PITPNA: variants seen among roughly 807,000 people sequenced by gnomAD.
PITPNA encodes the protein phosphatidylinositol transfer protein alpha isoform.
A neutral mutation model predicts 50.3 loss-of-function variants in PITPNA; 13 were observed. The ratio of observed to expected loss-of-function variants is 0.26; its 90% CI spans 0.17 to 0.41. The LOEUF (loss-of-function observed/expected upper bound fraction) is 0.41, where lower values mean the gene tolerates loss of function less well. PITPNA is among the 10% of genes least tolerant of loss of function. PITPNA has a pLI of 1.00. For missense variants in PITPNA, 207 were observed against 333.4 expected (o/e 0.62, Z 2.95); for synonymous variants, 120 against 119.6 (o/e 1.00, Z -0.02).
At chr17:1,532,796 T>C (rs2075592545) in intron 10 of PITPNA, among the ~76,000 whole-genome samples, 1 of 152,204 alleles carries the variant, frequency 6.6e-6, no homozygotes. Flanking sequence ...TCAGGGACTG[T>C]GCCCCAATGA....
Position 1,518,361 on chromosome 17 carries a change from C to T in PITPNA, c.*2200G>A, listed in dbSNP as rs1051640884. ...CATGGCACACACTCAGGTACTACCCCTGGAGCTGAACCTTTATCATAAGTC... is the reference window on the plus strand; with the variant it reads ...CATGGCACACACTCAGGTACTACCCTTGGAGCTGAACCTTTATCATAAGTC... On this transcript the variant is annotated 3_prime_UTR_variant, in exon 12 of 12. Coordinates refer to ENST00000313486, the MANE Select transcript of PITPNA (RefSeq NM_006224.4). The T allele has an allele frequency of 1.3e-5, 2 of 152,684 alleles. No homozygotes were observed. The highest frequency in any genetic ancestry group is 4.8e-5 in the African/African-American group (2 of 41,456). 9.5% of individuals were successfully genotyped at this position (152,684 alleles called of 1,614,324 possible).
At chr17:1,556,829 G>A (rs1319154278) in intron 2 of PITPNA, among the ~76,000 whole-genome samples, 1 of 152,182 alleles carries the variant, frequency 6.6e-6, no homozygotes, top group Admixed American at 6.5e-5. Context: ...CAGGCTGGGT[G>A]AAGTGGTTGA....
Position 1,519,992 on chromosome 17 carries a change from G to A in PITPNA, c.*569C>T, listed in dbSNP as rs2075499689. 1 of 152,176 alleles carries A rather than the reference G, an allele frequency of 6.6e-6. No homozygotes were observed. Among genetic ancestry groups the A allele is most frequent in the Non-Finnish European group, 1.5e-5 (1 of 68,074 alleles). The allele number at this position is 152,176 out of a possible 1,614,324, so 9.4% of individuals were successfully genotyped here. On this transcript the variant is annotated 3_prime_UTR_variant, in exon 12 of 12. Transcript: ENST00000313486. ...CTCCATAGTGCTAGAGTGCCCTAAC[G>A]ATGGGTTACTGGGAGCAGAAGTCAG...
intron 9 of PITPNA, 108 bp from the exon 10 acceptor site, chr17:1,534,329 G>T: frequency 7.3e-7 from 1 of 1,378,434 alleles, no homozygotes; most frequent in Non-Finnish European, 1.0e-6. Context: ...GGGGACGGGC[G>T]GACAGGAGGA....
rs759434662 is a variant in PITPNA at position 1,543,001 on chromosome 17, C to G, written c.297+19G>C. 5.7e-6 allele frequency: 9 copies of G among 1,576,132 alleles called. No homozygotes were observed. The highest frequency in any genetic ancestry group is 1.3e-5 in the African/African-American group (1 of 74,396). On this transcript the variant is annotated intron_variant, in intron 5 of 11. Coordinates refer to ENST00000313486, the MANE Select transcript of PITPNA (RefSeq NM_006224.4). ...TCTTATACATCATCTACAGTTCCAA[C>G]CCCCTTGACAATACTTACTGTAATA...
Position 1,553,512 on chromosome 17 carries a change from G to C in PITPNA, c.52-363C>G, listed in dbSNP as rs183404437. 6.5e-4 allele frequency among the ~76,000 whole-genome samples: 99 copies of C among 152,228 alleles called. 1 individual carries two copies. The East Asian group carries it at 0.016, about 25-fold the overall frequency. The stretch of plus-strand genomic sequence containing the variant: ...CCACCTTGGCCTGCCAAAGTGCTGA[G>C]ATTATAAGCATGAGCCACCGTTCCC... On this transcript the variant is annotated intron_variant, in intron 2 of 11. Coordinates refer to ENST00000313486, the MANE Select transcript of PITPNA (RefSeq NM_006224.4).
At position 1,562,392 on chromosome 17, in the gene PITPNA, C is replaced by CCT. The variant is rs2075773118; in HGVS notation, c.20+147_20+148dup. The CCT allele has an allele frequency of 3.7e-6, 2 of 537,784 alleles. No homozygotes were observed. The highest frequency in any genetic ancestry group is 5.6e-6 in the Non-Finnish European group (2 of 359,888). 33.3% of individuals were successfully genotyped at this position (537,784 alleles called of 1,614,324 possible). The stretch of plus-strand genomic sequence containing the variant: ...CTCACGTGCCGCCCGCCCCGGATCC[C>CCT]CTCCATCCCCGCTGGGCCCGCCTCA... On this transcript the variant is annotated intron_variant, in intron 1 of 11. Transcript: ENST00000313486. This position sits in a 1 kb window ranked among gnomAD's most constrained non-coding sequence, Gnocchi z 6.4.
At chr17:1,538,991 C>T in intron 6 of PITPNA, 39 bp from the exon 7 acceptor site, 1 of 1,418,246 alleles carries the variant, frequency 7.1e-7, no homozygotes, top group Non-Finnish European at 1.0e-6. Context: ...CAGTTTTTGT[C>T]AGTTATAAAA....
intron 10 of PITPNA, among the ~76,000 whole-genome samples, chr17:1,530,253 A>G (rs2075573329): frequency 6.6e-6 from 1 of 152,200 alleles, no homozygotes; most frequent in African/African-American, 2.4e-5. Context: ...CACTGAACAT[A>G]TAATTGGACC....
intron 7 of PITPNA, among the ~76,000 whole-genome samples, chr17:1,537,713 A>G (rs1051788837): frequency 6.6e-6 from 1 of 152,120 alleles, no homozygotes; most frequent in Non-Finnish European, 1.5e-5. Context: ...AAATCCACCA[A>G]CGTTTTGAAG....
At chr17:1,535,612 A>G in intron 7 of PITPNA, 94 bp from the exon 8 acceptor site, 2 of 787,874 alleles carry the variant, frequency 2.5e-6, no homozygotes, top group South Asian at 2.8e-5. Flanking sequence ...ACTCCATACC[A>G]GATCTTGATG....
chr17:1,535,548 G>GA (rs2047165882), intron 7 of PITPNA, 30 bp from the exon 8 acceptor site: 1 of 1,444,162 alleles, frequency 6.9e-7, no homozygotes, highest in African/African-American at 1.4e-5. Flanking sequence ...TGGGGTTGGA[G>GA]GGGAGTGGGA....
chr17:1,562,584 C>T lies in PITPNA; in HGVS notation c.-24G>A, dbSNP rs779079962. On this transcript the variant is annotated 5_prime_UTR_variant, in exon 1 of 12. Coordinates refer to ENST00000313486, the MANE Select transcript of PITPNA (RefSeq NM_006224.4). This position sits in a 1 kb window ranked among gnomAD's most constrained non-coding sequence, Gnocchi z 6.4. Reference sequence around the variant, plus strand: ...ATGTCGCTTCGCGGCTCGGTGGCTGCCCGCGGCCCGCCCGGCCTCCCGCCC... The same window carrying T: ...ATGTCGCTTCGCGGCTCGGTGGCTGTCCGCGGCCCGCCCGGCCTCCCGCCC... 44 of 1,286,198 alleles carry T rather than the reference C, an allele frequency of 3.4e-5. No individual in the cohort carries two copies. Among genetic ancestry groups the T allele is most frequent in the Admixed American group, 6.6e-5 (2 of 30,076 alleles). 79.7% of individuals were successfully genotyped at this position (1,286,198 alleles called of 1,614,324 possible). A position where few individuals can be genotyped will look rare whatever the true frequency, so the allele number is the denominator to read the frequency against.
intron 10 of PITPNA, among the ~76,000 whole-genome samples, chr17:1,524,831 A>C (rs1395597475): frequency 6.6e-6 from 1 of 151,098 alleles, no homozygotes; most frequent in Non-Finnish European, 1.5e-5. Context: ...CCTGGGCGAC[A>C]GAGCGAGACT....
intron 3 of PITPNA, among the ~76,000 whole-genome samples, chr17:1,551,233 C>T (rs183754412): frequency 1.3e-4 from 19 of 151,922 alleles, no homozygotes; most frequent in South Asian, 4.2e-4. Flanking sequence ...CTCTTGTCAC[C>T]ATGGGGAGAG....
intron 6 of PITPNA, 142 bp downstream of exon 6, chr17:1,541,424 G>C (rs947056643): frequency 1.5e-6 from 1 of 661,320 alleles, no homozygotes; most frequent in Non-Finnish European, 2.7e-6. Flanking sequence ...TCCCATGCTG[G>C]TAAGATAGGT....
chr17:1,562,383 C>T lies in PITPNA; in HGVS notation c.20+158G>A, dbSNP rs1373561378. ...GGGCCCCGCCTCACGTGCCGCCCGC[C>T]CCGGATCCCCTCCATCCCCGCTGGG... On this transcript the variant is annotated intron_variant, in intron 1 of 11. Transcript: ENST00000313486. The surrounding 1 kb of genome is among the most constrained non-coding windows in gnomAD (Gnocchi z 6.4). Among the ~76,000 whole-genome samples, 1 of 151,268 alleles carries T rather than the reference C, an allele frequency of 6.6e-6. No individual in the cohort carries two copies. The highest frequency in any genetic ancestry group is 2.4e-5 in the African/African-American group (1 of 41,282).
At chr17:1,545,274 G>T (rs1416810674) in intron 4 of PITPNA, among the ~76,000 whole-genome samples, 1 of 152,214 alleles carries the variant, frequency 6.6e-6, no homozygotes, top group African/African-American at 2.4e-5. Context: ...TCAGAGAAAG[G>T]AAGAGCCTTC....
intron 1 of PITPNA, chr17:1,561,127 GCACACGCA>G: frequency 6.7e-6 from 1 of 149,794 alleles, no homozygotes; most frequent in South Asian, 2.1e-4. Context: ...GTGCACACAC[GCACACGCA>G]CACACACACA....
Sources: allele counts gnomAD v4.1 joint callset (sites outside exome capture counted in the v4.1 genomes callset), GRCh38; gene constraint gnomAD v4.1.1; non-coding constraint Gnocchi (gnomAD v3.1); transcripts MANE v1.5; gene names NCBI Gene and HGNC (gene_info 2026-07-23, HGNC 2026-07-21).